Variants in KLHL12 observed in about 807,000 individuals in gnomAD.
KLHL12 encodes kelch-like protein 12.
Under a neutral mutation model 60.8 loss-of-function variants are expected in KLHL12, and 17 were observed. That is an observed-to-expected ratio of 0.28 (90% CI 0.19 to 0.42). The LOEUF (loss-of-function observed/expected upper bound fraction) is 0.42. KLHL12 is among the 10% of genes least tolerant of loss of function. KLHL12 has a pLI of 1.00. For synonymous variants in KLHL12, 220 were observed against 250.9 expected, an observed-to-expected ratio of 0.88 and a Z score of 1.16; for missense variants, 468 against 722.3, an observed-to-expected ratio of 0.65 and a Z score of 4.04.
At position 202,896,847 on chromosome 1, in the gene KLHL12, T is replaced by C. The variant is rs1182004884; in HGVS notation, c.939+7A>G. 1.9e-6 allele frequency: 3 copies of C among 1,604,654 alleles called. No individual in the cohort carries two copies. The highest frequency in any genetic ancestry group is 1.7e-5 in the Admixed American group (1 of 60,008). On this transcript the variant is annotated splice_region_variant and intron_variant, in intron 7 of 11. Coordinates refer to ENST00000367261, the MANE Select transcript of KLHL12 (RefSeq NM_021633.4). ...CCCTCCCAACGAATGGTTTCACCAT[T>C]ATTTACTGGCAAAAAGCTCCACTCC...
chr1:202,911,267 T>G, intron 4 of KLHL12, 64 bp from the exon 5 acceptor site: 2 of 1,556,066 alleles, frequency 1.3e-6, no homozygotes, highest in Non-Finnish European at 8.8e-7. Context: ...TCTCAAAACG[T>G]AACCACGTTC....
intron 6 of KLHL12, among the ~76,000 whole-genome samples, chr1:202,903,159 CAAAAAAA>C (rs67432749): frequency 1.9e-5 from 1 of 52,020 alleles, no homozygotes; most frequent in African/African-American, 7.2e-5. Flanking sequence ...GACCTTGTCT[CAAAAAAA>C]AAAAAAAAAA....
chr1:202,908,727 GACAAAAAATTGTA>G (rs1305295183), intron 6 of KLHL12, among the ~76,000 whole-genome samples: 10 of 152,072 alleles, frequency 6.6e-5, no homozygotes, highest in Non-Finnish European at 1.0e-4. Flanking sequence ...AAATAATATT[GACAAAAAATTGTA>G]ACATATTATG....
intron 6 of KLHL12, among the ~76,000 whole-genome samples, chr1:202,904,881 T>C (rs1392129087): frequency 6.6e-6 from 1 of 152,224 alleles, no homozygotes; most frequent in Non-Finnish European, 1.5e-5. Flanking sequence ...TTATATCTTC[T>C]TTGAGACAGT....
At chr1:202,918,495 TG>T in intron 3 of KLHL12, 107 bp from the exon 4 acceptor site, 1 of 815,714 alleles carries the variant, frequency 1.2e-6, no homozygotes, top group Non-Finnish European at 2.0e-6. Context: ...GATGAACCCT[TG>T]TTTCAACACC....
rs1262397821 is a variant in KLHL12 at position 202,902,897 on chromosome 1, C to A, written c.833-5937G>T. Among the ~76,000 whole-genome samples, 8 of 152,136 alleles carry A rather than the reference C, an allele frequency of 5.3e-5. No individual in the cohort carries two copies. The East Asian group carries it at 1.4e-3, about 26-fold the overall frequency. ...TCCCAAGTCCCAGCTACCTGGGAGG[C>A]TGAGGTGGGAGGATCACTTGAGTCC... is the stretch of plus-strand genomic sequence containing the variant. On this transcript the variant is annotated intron_variant, in intron 6 of 11. Coordinates refer to ENST00000367261, the MANE Select transcript of KLHL12 (RefSeq NM_021633.4).
intron 2 of KLHL12, among the ~76,000 whole-genome samples, chr1:202,921,023 TTTG>T (rs1355565779): frequency 1.3e-5 from 2 of 152,022 alleles, no homozygotes; most frequent in Admixed American, 1.3e-4. Flanking sequence ...TTTTTTCCCC[TTTG>T]TTGAGATAGG....
In KLHL12 at chr1:202,893,111, A is replaced by G. The variant is rs985275574; in HGVS notation, c.1580+128T>C. On this transcript the variant is annotated intron_variant, in intron 11 of 11. Coordinates refer to ENST00000367261, the MANE Select transcript of KLHL12 (RefSeq NM_021633.4). This position sits in a 1 kb window ranked among gnomAD's most constrained non-coding sequence, Gnocchi z 4.1. ...AAAAAATAAAAAAAATCTAATAAAA[A>G]AAATCAAGTTGCCACTGGAGATGTC... is the stretch of plus-strand genomic sequence containing the variant. 3 of 679,168 alleles carry G rather than the reference A, an allele frequency of 4.4e-6. No individual in the cohort carries two copies. In the African/African-American group the frequency reaches 5.6e-5, roughly 13 times the overall value. The allele number at this position is 679,168 out of a possible 1,614,324, so 42.1% of individuals were successfully genotyped here. A position where few individuals can be genotyped will look rare whatever the true frequency, so the allele number is the denominator to read the frequency against.
At chr1:202,907,938 T>A (rs1660245479) in intron 6 of KLHL12, among the ~76,000 whole-genome samples, 1 of 151,744 alleles carries the variant, frequency 6.6e-6, no homozygotes, top group South Asian at 2.1e-4. Context: ...AGCGGATAAA[T>A]CACCATTCTA....
At chr1:202,927,291 C>T (rs989146552), upstream of KLHL12, 11 of 985,080 alleles carry the variant, frequency 1.1e-5, no homozygotes, top group Non-Finnish European at 1.3e-5. Context: ...CGCCCTCCCC[C>T]CGCTCCAGAG....
At chr1:202,927,046 C>T in intron 1 of KLHL12, 43 bp downstream of exon 1, 2 of 984,832 alleles carry the variant, frequency 2.0e-6, no homozygotes, top group Non-Finnish European at 2.4e-6. Flanking sequence ...AGTTGACGGA[C>T]AGGAAGGGAA....
At chr1:202,920,078 C>T (rs1660639436) in intron 2 of KLHL12, among the ~76,000 whole-genome samples, 170 bp from the exon 3 acceptor site, 2 of 152,028 alleles carry the variant, frequency 1.3e-5, no homozygotes, top group Non-Finnish European at 2.9e-5. Flanking sequence ...CTTTGAGAGG[C>T]TAAGGCAGGC....
Position 202,909,306 on chromosome 1 carries a change from T to A in KLHL12, c.718-182A>T. The A allele has an allele frequency of 2.1e-6, 1 of 465,236 alleles. No homozygotes were observed. Among genetic ancestry groups the A allele is most frequent in the Non-Finnish European group, 3.8e-6 (1 of 260,986 alleles). The allele number at this position is 465,236 out of a possible 1,614,324, so 28.8% of individuals were successfully genotyped here. On this transcript the variant is annotated intron_variant, in intron 5 of 11. Transcript: ENST00000367261. The surrounding 1 kb of genome is among the most constrained non-coding windows in gnomAD (Gnocchi z 4.1). ...GTTTCCAGAAATGATTTTTAAAATT[T>A]ACTTGAAAAATAGATAACATACTAG...
rs372468701 is a variant in KLHL12, at chr1:202,892,543, C to T, written c.1697G>A (p.Arg566His). The T allele has an allele frequency of 2.6e-5, 42 of 1,613,566 alleles. 1 individual carries two copies. Among genetic ancestry groups the T allele is most frequent in the South Asian group, 8.8e-5 (8 of 91,060 alleles). ...GTGCTCCAACAATGGTCACTTCTCGCGGAGAACACAAACACCAGCATCACA... is the reference window on the plus strand; with the variant it reads ...GTGCTCCAACAATGGTCACTTCTCGTGGAGAACACAAACACCAGCATCACA... ...QRCDAGVCVL[R>H]EK Residue 566 changes from arginine (R) to histidine (H), a missense_variant, in exon 12 of 12, where the codon CGC (arginine) becomes CAC (histidine). This residue lies in a region of KLHL12 where 68 missense variants were observed against 119.8 expected (regional missense o/e 0.57). Transcript: ENST00000367261.
chr1:202,894,365 ATTAT>A, intron 9 of KLHL12, 83 bp from the exon 10 acceptor site: 1 of 966,542 alleles, frequency 1.0e-6, no homozygotes, highest in Non-Finnish European at 1.6e-6. Flanking sequence ...GCTTCAACTA[ATTAT>A]TTTAGTTTCA....
intron 1 of KLHL12, among the ~76,000 whole-genome samples, chr1:202,926,104 CAAAAAAAAAAAAAA>C (rs368473168): frequency 3.4e-5 from 2 of 59,538 alleles, no homozygotes; most frequent in Non-Finnish European, 3.8e-5. Flanking sequence ...GACTCTGTCT[CAAAAAAAAAAAAAA>C]AAAAAGAAAC....
chr1:202,913,740 A>G (rs1217431094), intron 4 of KLHL12, among the ~76,000 whole-genome samples: 2 of 152,230 alleles, frequency 1.3e-5, no homozygotes, highest in African/African-American at 4.8e-5. Flanking sequence ...AGTAGCAGTT[A>G]GCCAGGGGGA....
chr1:202,894,851 A>G, intron 8 of KLHL12, 102 bp from the exon 9 acceptor site: 1 of 898,516 alleles, frequency 1.1e-6, no homozygotes, highest in South Asian at 1.5e-5. Context: ...TCTGAGAGCA[A>G]AAACAAAGTA....
At chr1:202,921,928 T>G (rs1660706951) in intron 2 of KLHL12, among the ~76,000 whole-genome samples, 1 of 152,202 alleles carries the variant, frequency 6.6e-6, no homozygotes, top group South Asian at 2.1e-4. Flanking sequence ...ACTAAAAAAG[T>G]CACTAGCACA....
Sources: gnomAD v4.1 joint callset for allele counts (sites outside exome capture counted in the v4.1 genomes callset) on GRCh38, gnomAD v4.1.1 for gene constraint, gnomAD v4.1.1 regional missense constraint, Gnocchi (gnomAD v3.1) non-coding constraint, MANE v1.5 for transcripts, NCBI Gene and HGNC (gene_info 2026-07-23, HGNC 2026-07-21) for gene names.